The following MARCHF6 variants were observed in gnomAD, a reference collection of about 807,000 sequenced individuals.
MARCHF6 encodes the protein membrane associated ring-CH-type finger 6.
MARCHF6 carries 31 observed loss-of-function variants against 133.7 expected under a neutral mutation model. That is an observed-to-expected ratio of 0.23 (90% confidence interval 0.17 to 0.31). The LOEUF (loss-of-function observed/expected upper bound fraction) is 0.31. MARCHF6 is among the 10% of genes least tolerant of loss of function. The pLI is 1.00. For missense variants in MARCHF6, 723 were observed against 1,121.6 expected, an observed-to-expected ratio of 0.64 and a Z score of 5.08; for synonymous variants, 395 against 402.5, an observed-to-expected ratio of 0.98 and a Z score of 0.22.
chr5:10,402,072 A>G lies in MARCHF6; in HGVS notation c.986A>G (p.His329Arg). The change falls in exon 12 of 26, where the codon CAT (histidine) becomes CGT (arginine). Residue 329 changes from histidine to arginine, a missense_variant. By Grantham distance (29) the His-to-Arg change is conservative. Around this residue, in one of 4 missense-constraint regions of MARCHF6, gnomAD observed 43 missense variants for 97.9 expected, o/e 0.44. Transcript: ENST00000274140. ...LGFEEHVQAS[H>R]FEGLITTIVG... ...TCTTATTTCCAGGTCCAAGCATCTC[A>G]TTTTGAAGGCCTAATCACAACCATA... 2 of 1,601,930 alleles carry G rather than the reference A, an allele frequency of 1.2e-6. No homozygotes were observed. Among genetic ancestry groups the G allele is most frequent in the Non-Finnish European group, 1.7e-6 (2 of 1,169,306 alleles).
intron 22 of MARCHF6, among the ~76,000 whole-genome samples, chr5:10,423,453 T>C (rs972108088): frequency 3.3e-5 from 5 of 152,220 alleles, no homozygotes; most frequent in African/African-American, 9.6e-5. Flanking sequence ...TTTATTTGCT[T>C]TTTGAGATAT....
At chr5:10,412,491 A>C (rs1362357741) in intron 19 of MARCHF6, among the ~76,000 whole-genome samples, 5 of 152,204 alleles carry the variant, frequency 3.3e-5, no homozygotes, top group Non-Finnish European at 7.3e-5. Flanking sequence ...GAGTGAAAAA[A>C]AGGAAGTGGG....
chr5:10,398,326 G>T (rs1329798751), intron 10 of MARCHF6, among the ~76,000 whole-genome samples: 1 of 152,156 alleles, frequency 6.6e-6, no homozygotes, highest in Admixed American at 6.5e-5. Flanking sequence ...TGAATATTTG[G>T]ACTGAGGATG....
chr5:10,402,617 G>A lies in MARCHF6; in HGVS notation c.1197+10G>A. The A allele has an allele frequency of 1.2e-6, 2 of 1,603,412 alleles. No individual in the cohort carries two copies. Among genetic ancestry groups the A allele is most frequent in the Non-Finnish European group, 1.7e-6 (2 of 1,170,512 alleles). On this transcript the variant is annotated intron_variant, in intron 14 of 25. Transcript: ENST00000274140. ...GGATATCTGTTCCTTGGTAAGTTGAGTATTCATTATTGTATAATAGCATAA... is the reference window on the plus strand; with the variant it reads ...GGATATCTGTTCCTTGGTAAGTTGAATATTCATTATTGTATAATAGCATAA...
At chr5:10,396,039 C>T (rs1292522612) in intron 9 of MARCHF6, among the ~76,000 whole-genome samples, 1 of 152,170 alleles carries the variant, frequency 6.6e-6, no homozygotes, top group East Asian at 1.9e-4. Context: ...GTGGTGGTGA[C>T]TCAAACTCAT....
intron 20 of MARCHF6, 63 bp downstream of exon 20, chr5:10,414,565 C>G (rs1739400865): frequency 1.5e-6 from 2 of 1,329,314 alleles, no homozygotes; most frequent in Non-Finnish European, 2.2e-6. Flanking sequence ...AGCTATTTGA[C>G]AGAGTCTTGC....
chr5:10,356,407 A>G (rs1404799705), intron 1 of MARCHF6, among the ~76,000 whole-genome samples: 1 of 135,634 alleles, frequency 7.4e-6, no homozygotes, highest in Non-Finnish European at 1.6e-5. Flanking sequence ...ATTTTATTTT[A>G]TTTTCCGAGA....
At chr5:10,358,273 G>C (rs753803751) in intron 1 of MARCHF6, among the ~76,000 whole-genome samples, 45 of 152,224 alleles carry the variant, frequency 3.0e-4, no homozygotes, top group Non-Finnish European at 4.9e-4. Context: ...TATAATATGA[G>C]GTCAGAAAGA....
chr5:10,391,464 T>TTTG, intron 6 of MARCHF6, 78 bp from the exon 7 acceptor site: 2 of 431,748 alleles, frequency 4.6e-6, no homozygotes. Flanking sequence ...TTTTTTTTTT[T>TTTG]AGCAGGAATA....
intron 9 of MARCHF6, among the ~76,000 whole-genome samples, chr5:10,395,918 TA>T (rs2126744306): frequency 6.6e-6 from 1 of 152,324 alleles, no homozygotes; most frequent in South Asian, 2.1e-4. Context: ...AATGAGCTTC[TA>T]GTCATGGTTT....
intron 11 of MARCHF6, chr5:10,401,519 CTT>C (rs1396457289): frequency 6.5e-6 from 1 of 154,026 alleles, no homozygotes; most frequent in Non-Finnish European, 1.4e-5. Flanking sequence ...ACTTTCCAAA[CTT>C]TTGCCACTTG....
chr5:10,356,282 T>A (rs1253182839), intron 1 of MARCHF6, among the ~76,000 whole-genome samples: 1 of 150,960 alleles, frequency 6.6e-6, no homozygotes, highest in African/African-American at 2.4e-5. Flanking sequence ...AAAACTAAAT[T>A]AAAAAAAAAT....
chr5:10,411,194 A>G, intron 18 of MARCHF6, 139 bp from the exon 19 acceptor site: 2 of 681,300 alleles, frequency 2.9e-6, no homozygotes, highest in Admixed American at 2.7e-5. Context: ...TTAGACCAAA[A>G]TTAGGTAATA....
At chr5:10,368,162 G>A (rs997173759) in intron 1 of MARCHF6, among the ~76,000 whole-genome samples, 3 of 152,078 alleles carry the variant, frequency 2.0e-5, no homozygotes, top group Admixed American at 6.6e-5. Context: ...TTGGGTGGTG[G>A]GATTGGAACT....
At chr5:10,427,509 T>C (rs1740149248) in intron 24 of MARCHF6, among the ~76,000 whole-genome samples, 4 of 152,190 alleles carry the variant, frequency 2.6e-5, no homozygotes, top group Non-Finnish European at 4.4e-5. Context: ...TAAACAACCA[T>C]GGAATGGCCT....
chr5:10,412,456 C>A (rs965843984), intron 19 of MARCHF6, among the ~76,000 whole-genome samples: 1 of 152,092 alleles, frequency 6.6e-6, no homozygotes, highest in Non-Finnish European at 1.5e-5. Flanking sequence ...CCTGAACTGT[C>A]TTAAACATTG....
intron 1 of MARCHF6, among the ~76,000 whole-genome samples, chr5:10,372,363 T>C (rs1368316244): frequency 6.6e-6 from 1 of 152,216 alleles, no homozygotes; most frequent in East Asian, 1.9e-4. Context: ...TAAAATATGT[T>C]TTGATTTAAA....
intron 25 of MARCHF6, among the ~76,000 whole-genome samples, chr5:10,432,989 A>G (rs192019275): frequency 1.6e-3 from 225 of 143,376 alleles, no homozygotes; most frequent in African/African-American, 5.6e-3. Flanking sequence ...TGCAACCTCT[A>G]CCTCCCAGGT....
At chr5:10,391,960 CTTTT>C (rs533523322) in intron 7 of MARCHF6, among the ~76,000 whole-genome samples, 2 of 140,340 alleles carry the variant, frequency 1.4e-5, no homozygotes, top group Admixed American at 1.4e-4. Flanking sequence ...TTACACAGGC[CTTTT>C]TTTTTTTTTT....
Sources: allele counts gnomAD v4.1 joint callset (sites outside exome capture counted in the v4.1 genomes callset), GRCh38; gene constraint gnomAD v4.1.1; regional missense constraint gnomAD v4.1.1; transcripts MANE v1.5; gene names NCBI Gene and HGNC (gene_info 2026-07-23, HGNC 2026-07-21).